PRMT2: variants seen among roughly 807,000 people sequenced by gnomAD.
PRMT2 encodes protein arginine methyltransferase 2.
Under a neutral mutation model 57.6 loss-of-function variants are expected in PRMT2, and 26 were observed. That is an observed-to-expected ratio of 0.45 (90% confidence interval 0.33 to 0.63). The LOEUF (loss-of-function observed/expected upper bound fraction) is 0.63. Ranked by LOEUF, PRMT2 falls within the 20% of genes least tolerant of loss-of-function variation. The probability of loss-of-function intolerance (pLI) is 0.02; values close to 1 mark genes in which losing one functional copy is unlikely to be tolerated. For missense variants in PRMT2, 472 were observed against 564.4 expected (o/e 0.84, Z 1.66); for synonymous variants, 219 against 220.0 (o/e 1.00, Z 0.04).
chr21:46,645,479 A>T (rs1286337586), intron 5 of PRMT2, among the ~76,000 whole-genome samples: 1 of 152,084 alleles, frequency 6.6e-6, no homozygotes, highest in East Asian at 1.9e-4. Flanking sequence ...AAAAATAATA[A>T]AAGCCCAGCT....
intron 10 of PRMT2, among the ~76,000 whole-genome samples, chr21:46,662,417 G>A (rs545475939): frequency 2.8e-4 from 42 of 152,324 alleles, no homozygotes; most frequent in Non-Finnish European, 4.6e-4. Flanking sequence ...CCCCGCTCTG[G>A]CACCTGCCCC....
intron 3 of PRMT2, among the ~76,000 whole-genome samples, chr21:46,639,911 CTGTT>C (rs2061241957): frequency 6.6e-6 from 1 of 152,046 alleles, no homozygotes; most frequent in South Asian, 2.1e-4. Context: ...TAACATTTTG[CTGTT>C]TGTTTTATGT....
intron 7 of PRMT2, chr21:46,651,800 C>G: frequency 6.2e-7 from 1 of 1,612,852 alleles, no homozygotes; most frequent in Non-Finnish European, 8.5e-7. Flanking sequence ...CACTTTCCGT[C>G]CCCAGGCTGC....
At chr21:46,645,531 T>C (rs2061351261) in intron 5 of PRMT2, among the ~76,000 whole-genome samples, 1 of 152,142 alleles carries the variant, frequency 6.6e-6, no homozygotes. Context: ...CATGGAGAAA[T>C]GCCTATAACC....
At chr21:46,636,173 T>C (rs2061168273) in intron 1 of PRMT2, 1 of 152,252 alleles carries the variant, frequency 6.6e-6, no homozygotes, top group African/African-American at 2.4e-5. Flanking sequence ...CTCACCCCCC[T>C]TCACTGGCCA....
At chr21:46,653,046 T>C (rs77430135) in intron 7 of PRMT2, 98,715 of 1,110,192 alleles carry the variant, frequency 0.089, 4,882 homozygotes, top group Non-Finnish European at 0.099. Context: ...TCAGTCTTAC[T>C]GTTGTTAGTG....
At chr21:46,641,656 C>T (rs2061276794) in intron 3 of PRMT2, among the ~76,000 whole-genome samples, 1 of 152,006 alleles carries the variant, frequency 6.6e-6, no homozygotes, top group African/African-American at 2.4e-5. Flanking sequence ...TGTGCCACTG[C>T]ACTCCAGCCT....
chr21:46,639,708 T>G (rs185738113), intron 3 of PRMT2, among the ~76,000 whole-genome samples: 140 of 149,078 alleles, frequency 9.4e-4, no homozygotes, highest in African/African-American at 3.3e-3. Flanking sequence ...GTGTGTGTGT[T>G]TGTGTGTGTG....
chr21:46,652,256 G>T, intron 7 of PRMT2: 1 of 1,342,522 alleles, frequency 7.4e-7, no homozygotes, highest in East Asian at 2.8e-5. Context: ...TGTTAGGATG[G>T]GAAAGGTTTT....
Position 46,649,847 on chromosome 21 carries a change from ATGT to A in PRMT2, c.654+110_654+112del. On this transcript the variant is annotated intron_variant, in intron 7 of 11. Coordinates refer to ENST00000355680, the MANE Select transcript of PRMT2 (RefSeq NM_206962.4). This position sits in a 1 kb window ranked among gnomAD's most constrained non-coding sequence, Gnocchi z 4.8. ...CAAGGGTCGTGCGTGATTCATTTTG[ATGT>A]TTTCCCTAATGTGAGGTCTAATTAA... 1 of 1,527,362 alleles carries A rather than the reference ATGT, an allele frequency of 6.5e-7. No homozygotes were observed. Among genetic ancestry groups the A allele is most frequent in the South Asian group, 1.2e-5 (1 of 82,736 alleles). 94.6% of individuals were successfully genotyped at this position (1,527,362 alleles called of 1,614,324 possible).
At position 46,648,584 on chromosome 21, in the gene PRMT2, A is replaced by G. The variant is rs1309743563; in HGVS notation, c.454A>G (p.Ser152Gly). ...LDVGCGTGII[S>G]LFCAHYARPR... is the part of the protein sequence containing the mutation. The stretch of plus-strand genomic sequence containing the variant: ...CGTGGGCTGTGGGACTGGGATCATC[A>G]GTCTCTTCTGTGCACACTATGCGCG... Residue 152 changes from serine (S) to glycine (G), a missense_variant, in exon 6 of 12, where the codon AGT becomes GGT. Coordinates refer to ENST00000355680, the MANE Select transcript of PRMT2 (RefSeq NM_206962.4). This position sits in a 1 kb window ranked among gnomAD's most constrained non-coding sequence, Gnocchi z 4.8. 6.2e-7 allele frequency: 1 copy of G among 1,614,220 alleles called. No homozygotes were observed. Among genetic ancestry groups the G allele is most frequent in the African/African-American group, 1.3e-5 (1 of 75,052 alleles).
At chr21:46,643,877 A>C (rs1301623063) in intron 4 of PRMT2, among the ~76,000 whole-genome samples, 3 of 152,190 alleles carry the variant, frequency 2.0e-5, no homozygotes, top group African/African-American at 7.2e-5. Context: ...TCTGGTTTCT[A>C]CTTGGAATGT....
At position 46,652,368 on chromosome 21, in the gene PRMT2, A is replaced by G. The variant is rs533727056; in HGVS notation, c.654+2629A>G. ...TAAAAACTATTAAATGGTAAATGCAACTAAAGAATTGCAGCTAAAGAATTG... is the reference window on the plus strand; with the variant it reads ...TAAAAACTATTAAATGGTAAATGCAGCTAAAGAATTGCAGCTAAAGAATTG... On this transcript the variant is annotated intron_variant, in intron 7 of 11. Transcript: ENST00000355680. 6.4e-6 allele frequency: 7 copies of G among 1,096,166 alleles called. No individual in the cohort carries two copies. The East Asian group carries it at 2.7e-4, about 42-fold the overall frequency. The allele number at this position is 1,096,166 out of a possible 1,614,324, so 67.9% of individuals were successfully genotyped here.
Position 46,664,491 on chromosome 21 carries a change from G to A in PRMT2, c.*164G>A. On this transcript the variant is annotated 3_prime_UTR_variant, in exon 12 of 12. Coordinates refer to ENST00000355680, the MANE Select transcript of PRMT2 (RefSeq NM_206962.4). ...GCAGGTGACGTCAGGGTCCTTCACA[G>A]ACAAACACGCTTGGGCTCGGCAGGA... The A allele has an allele frequency of 2.3e-6, 2 of 879,538 alleles. No individual in the cohort carries two copies. The highest frequency in any genetic ancestry group is 3.6e-6 in the Non-Finnish European group (2 of 549,814). The allele number at this position is 879,538 out of a possible 1,614,324, so 54.5% of individuals were successfully genotyped here.
At chr21:46,645,315 C>CGTGAGCCATGA (rs1555930177) in intron 5 of PRMT2, among the ~76,000 whole-genome samples, 5 of 152,032 alleles carry the variant, frequency 3.3e-5, no homozygotes, top group East Asian at 1.9e-4. Flanking sequence ...AATAATACTA[C>CGTGAGCCATGA]TTAGGTCAGG....
At chr21:46,656,930 G>A (rs1172428412) in intron 7 of PRMT2, 1 of 152,180 alleles carries the variant, frequency 6.6e-6, no homozygotes, top group African/African-American at 2.4e-5. Context: ...TCCAGTGTGT[G>A]TTCTGAATAT....
chr21:46,661,743 C>T (rs1569165508), intron 9 of PRMT2, 57 bp from the exon 10 acceptor site: 12 of 1,278,750 alleles, frequency 9.4e-6, no homozygotes, highest in African/African-American at 1.6e-5. Flanking sequence ...CCGCCCCAAC[C>T]CGGGCCCTGC....
chr21:46,653,661 G>C, intron 7 of PRMT2: 1 of 1,249,384 alleles, frequency 8.0e-7, no homozygotes, highest in East Asian at 5.6e-5. Context: ...TGCATTCCCT[G>C]GAGCTCATGT....
intron 7 of PRMT2, chr21:46,654,792 G>C (rs1371748984): frequency 5.4e-6 from 3 of 557,678 alleles, no homozygotes; most frequent in Non-Finnish European, 6.8e-6. Flanking sequence ...TTTTATATGG[G>C]GGACTTTAGC....
Sources: allele counts gnomAD v4.1 joint callset (sites outside exome capture counted in the v4.1 genomes callset), GRCh38; gene constraint gnomAD v4.1.1; non-coding constraint Gnocchi (gnomAD v3.1); transcripts MANE v1.5; gene names NCBI Gene and HGNC (gene_info 2026-07-23, HGNC 2026-07-21).